AXIN1: variants seen among roughly 807,000 people sequenced by gnomAD.
AXIN1 encodes the protein axin-1.
In AXIN1, 30 loss-of-function variants were observed where a neutral mutation model predicts 76.4. The observed-to-expected ratio is 0.39, with a 90% CI of 0.29 to 0.53. AXIN1 has a LOEUF of 0.53. Ranked by LOEUF, AXIN1 falls within the 20% of genes least tolerant of loss-of-function variation. The pLI is 0.66. For missense variants in AXIN1, 1,140 were observed against 1,198.8 expected, an observed-to-expected ratio of 0.95 and a Z score of 0.72; for synonymous variants, 545 against 501.4, an observed-to-expected ratio of 1.09 and a Z score of -1.16.
At chr16:291,393 C>T (rs1415518111) in intron 8 of AXIN1, 96 bp from the exon 9 acceptor site, 100 of 1,079,500 alleles carry the variant, frequency 9.3e-5, no homozygotes, top group Non-Finnish European at 1.2e-4. Flanking sequence ...ACGGACGGAG[C>T]GTGAAGGGCC....
rs556152452 is a variant in AXIN1, at chr16:311,783, G to A, written c.1020-1714C>T. On this transcript the variant is annotated intron_variant, in intron 3 of 10. Transcript: ENST00000262320. ...AAGACTACGTCTCAAAAAAGAAAAG[G>A]AAGAAAGAAAGAAAAGCTGCCTTCG... Among the ~76,000 whole-genome samples, 16 of 152,104 alleles carry A rather than the reference G, an allele frequency of 1.1e-4. No homozygotes were observed. In the South Asian group the frequency reaches 3.3e-3, roughly 32 times the overall value.
chr16:323,301 C>CAT (rs2053500001), intron 2 of AXIN1, among the ~76,000 whole-genome samples: 1 of 150,472 alleles, frequency 6.6e-6, no homozygotes, highest in Non-Finnish European at 1.5e-5. Context: ...TAGCCGGGTG[C>CAT]GGTGGCGGGC....
At chr16:291,546 C>T (rs1045641034) in intron 8 of AXIN1, 15 of 567,662 alleles carry the variant, frequency 2.6e-5, no homozygotes, top group Non-Finnish European at 3.2e-5. Context: ...TTCCCTGGAC[C>T]GCACTTTGGG....
At chr16:294,321 A>G (rs1030698491) in intron 7 of AXIN1, among the ~76,000 whole-genome samples, 1 of 150,934 alleles carries the variant, frequency 6.6e-6, no homozygotes, top group East Asian at 1.9e-4. Flanking sequence ...AAATTACCCA[A>G]GTGTGGTGGT....
intron 7 of AXIN1, 25 bp downstream of exon 7, chr16:297,031 G>C: frequency 6.2e-7 from 1 of 1,607,396 alleles, no homozygotes; most frequent in Non-Finnish European, 8.5e-7. Flanking sequence ...GGCCCCACGA[G>C]GCTGGCTGCG....
intron 2 of AXIN1, among the ~76,000 whole-genome samples, chr16:339,489 C>T (rs1318243475): frequency 1.5e-5 from 2 of 135,106 alleles, no homozygotes; most frequent in African/African-American, 2.9e-5. Flanking sequence ...CCAGCCTTGG[C>T]GATAGAGCGA....
chr16:350,375 A>G (rs1725974025), intron 1 of AXIN1, among the ~76,000 whole-genome samples: 1 of 152,218 alleles, frequency 6.6e-6, no homozygotes. Flanking sequence ...CAAGCACTGA[A>G]TCTGGCCCAC....
Position 293,814 on chromosome 16 carries a change from G to A in AXIN1, c.1956-96C>T, listed in dbSNP as rs568614754. 1 of 1,179,484 alleles carries A rather than the reference G, an allele frequency of 8.5e-7. No homozygotes were observed. The highest frequency in any genetic ancestry group is 1.2e-5 in the South Asian group (1 of 82,276). 73.1% of individuals were successfully genotyped at this position (1,179,484 alleles called of 1,614,324 possible). ...CATCTCACAAGGGCAGCCTCCTTGA[G>A]GGATAGGATGGGATGGGGCACTGGG... On this transcript the variant is annotated intron_variant, in intron 7 of 10. Coordinates refer to ENST00000262320, the MANE Select transcript of AXIN1 (RefSeq NM_003502.4). This position sits in a 1 kb window ranked among gnomAD's most constrained non-coding sequence, Gnocchi z 4.6.
chr16:287,532 G>A lies in AXIN1; in HGVS notation c.*590C>T, dbSNP rs894045759. ...GTGTCATCGCATGAAAAACAGACTCGGGCAGCCCCTGCTGGCCTAGCCTGA... is the reference window on the plus strand; with the variant it reads ...GTGTCATCGCATGAAAAACAGACTCAGGCAGCCCCTGCTGGCCTAGCCTGA... On this transcript the variant is annotated 3_prime_UTR_variant, in exon 11 of 11. Transcript: ENST00000262320. The A allele has an allele frequency of 2.3e-5, 7 of 306,472 alleles. No homozygotes were observed. The highest frequency in any genetic ancestry group is 2.3e-5 in the African/African-American group (1 of 43,460). The allele number at this position is 306,472 out of a possible 1,614,324, so 19.0% of individuals were successfully genotyped here.
Position 293,227 on chromosome 16 carries a change from T to G in AXIN1, c.2186+261A>C, listed in dbSNP as rs1596979774. On this transcript the variant is annotated intron_variant, in intron 8 of 10. Transcript: ENST00000262320. This position sits in a 1 kb window ranked among gnomAD's most constrained non-coding sequence, Gnocchi z 4.6. ...GCCTCCCTGCAGACTGGGCTCAGGTTGAGGAGGGACCCCGCCTCCAGAGCA... is the reference window on the plus strand; with the variant it reads ...GCCTCCCTGCAGACTGGGCTCAGGTGGAGGAGGGACCCCGCCTCCAGAGCA... 1 of 553,600 alleles carries G rather than the reference T, an allele frequency of 1.8e-6. No individual in the cohort carries two copies. The allele number at this position is 553,600 out of a possible 1,614,324, so 34.3% of individuals were successfully genotyped here.
Position 346,877 on chromosome 16 carries a change from A to G in AXIN1, c.149T>C (p.Val50Ala), listed in dbSNP as rs763870026. 1 of 1,613,722 alleles carries G rather than the reference A, an allele frequency of 6.2e-7. No homozygotes were observed. Among genetic ancestry groups the G allele is most frequent in the South Asian group, 1.1e-5 (1 of 91,084 alleles). The change falls in exon 2 of 11, where the codon GTT becomes GCT. Residue 50 changes from valine to alanine, a missense_variant. By Grantham distance (64) the Val-to-Ala change is moderately conservative. This residue lies in a region of AXIN1 where 708 missense variants were observed against 776.9 expected (regional missense o/e 0.91). Coordinates refer to ENST00000262320, the MANE Select transcript of AXIN1 (RefSeq NM_003502.4). ...CGTCGAAGTCTCACCTTTAATGCCA[A>G]CACCTTTCCCGGAGCAGAAACTGTA... is the stretch of plus-strand genomic sequence containing the variant. ...ASYSFCSGKGVGIKGETSTAT... is the reference protein window; with the variant it reads ...ASYSFCSGKGAGIKGETSTAT...
chr16:339,668 C>A (rs571979832), intron 2 of AXIN1, among the ~76,000 whole-genome samples: 27 of 150,920 alleles, frequency 1.8e-4, no homozygotes, highest in African/African-American at 6.6e-4. Flanking sequence ...TGTGACAGAG[C>A]AAGACTGTCT....
chr16:301,187 C>T (rs3743919), intron 5 of AXIN1, among the ~76,000 whole-genome samples: 5,252 of 151,400 alleles, frequency 0.035, 289 homozygotes, highest in African/African-American at 0.11. Flanking sequence ...AGGAGAATGG[C>T]GTGAACCCGG....
Position 346,326 on chromosome 16 carries a change from T to G in AXIN1, c.700A>C (p.Ile234Leu). ...QSSGSGTGKG[I>L]SGYLPTLNED... ...TTTAAGGTCGGCAGGTATCCAGATA[T>G]GCCCTTCCCTGTCCCTGACCCAGAG... Residue 234 changes from isoleucine (I) to leucine (L), a missense_variant, in exon 2 of 11, where the codon ATA (isoleucine) becomes CTA (leucine). Coordinates refer to ENST00000262320, the MANE Select transcript of AXIN1 (RefSeq NM_003502.4). 6.2e-7 allele frequency: 1 copy of G among 1,614,238 alleles called. No homozygotes were observed. Among genetic ancestry groups the G allele is most frequent in the Non-Finnish European group, 8.5e-7 (1 of 1,180,040 alleles).
At chr16:319,870 A>T (rs992405176) in intron 2 of AXIN1, among the ~76,000 whole-genome samples, 2 of 152,158 alleles carry the variant, frequency 1.3e-5, no homozygotes, top group East Asian at 3.8e-4. Context: ...TGTGATGTGG[A>T]GGGAGCTGGG....
In AXIN1 at chr16:326,354, CAA is replaced by C. The variant is rs1187459071; in HGVS notation, c.879-11673_879-11672del. 8.8e-3 allele frequency among the ~76,000 whole-genome samples: 563 copies of C among 64,092 alleles called. 1 individual carries two copies. The highest frequency in any genetic ancestry group is 0.025 in the Middle Eastern group (2 of 80). The allele number at this position is 64,092 out of a possible 152,430, so 42.0% of individuals were successfully genotyped here. On this transcript the variant is annotated intron_variant, in intron 2 of 10. Transcript: ENST00000262320. Reference sequence around the variant, plus strand: ...GGGCAACAAGAGCAAAACTCCGTCTCAAAAAAAAAAAAAAAAAAATATATATA... The same window carrying C: ...GGGCAACAAGAGCAAAACTCCGTCTCAAAAAAAAAAAAAAAAATATATATA...
At chr16:323,085 C>T (rs557288717) in intron 2 of AXIN1, among the ~76,000 whole-genome samples, 31 of 151,962 alleles carry the variant, frequency 2.0e-4, no homozygotes, top group African/African-American at 5.8e-4. Flanking sequence ...CCCAGGAGTT[C>T]GAGACCAGCC....
At position 291,441 on chromosome 16, in the gene AXIN1, T is replaced by C. The variant is rs9930190; in HGVS notation, c.2187-144A>G. ...CCTGCGCAGGCTCCAGTTTGCAGGG[T>C]AGACAAGACACCGAGTCCCCTCCTA... On this transcript the variant is annotated intron_variant, in intron 8 of 10. Coordinates refer to ENST00000262320, the MANE Select transcript of AXIN1 (RefSeq NM_003502.4). 4.9e-3 allele frequency: 3,535 copies of C among 724,316 alleles called. 81 individuals carry two copies. In the African/African-American group the frequency reaches 0.053, roughly 11 times the overall value. The allele number at this position is 724,316 out of a possible 1,614,324, so 44.9% of individuals were successfully genotyped here.
At chr16:339,677 CTAAAAA>C (rs2053877543) in intron 2 of AXIN1, among the ~76,000 whole-genome samples, 1 of 149,570 alleles carries the variant, frequency 6.7e-6, no homozygotes, top group African/African-American at 2.5e-5. Flanking sequence ...GCAAGACTGT[CTAAAAA>C]AAAAAAAAAA....
Sources: gnomAD v4.1 joint callset for allele counts (sites outside exome capture counted in the v4.1 genomes callset) on GRCh38, gnomAD v4.1.1 for gene constraint, gnomAD v4.1.1 regional missense constraint, Gnocchi (gnomAD v3.1) non-coding constraint, MANE v1.5 for transcripts, NCBI Gene and HGNC (gene_info 2026-07-23, HGNC 2026-07-21) for gene names.